The following HTR7 variants were observed in gnomAD, a reference collection of about 807,000 sequenced individuals.
The protein encoded by HTR7 is 5-HT-7.
Under a neutral mutation model 34.0 loss-of-function variants are expected in HTR7, and 16 were observed. The observed-to-expected ratio is 0.47, with a 90% CI of 0.32 to 0.71. The LOEUF (loss-of-function observed/expected upper bound fraction) is 0.71, where lower values mean the gene tolerates loss of function less well. Among genes scored for constraint, HTR7 ranks in the 30% least tolerant of loss-of-function variants. The probability of loss-of-function intolerance (pLI) is 0.04; values close to 1 mark genes in which losing one functional copy is unlikely to be tolerated. For missense variants in HTR7, 504 were observed against 625.5 expected (o/e 0.81, Z 2.07); for synonymous variants, 265 against 260.2 (o/e 1.02, Z -0.18).
intron 1 of HTR7, among the ~76,000 whole-genome samples, chr10:90,780,468 C>T (rs1337028385): frequency 5.5e-5 from 8 of 146,082 alleles, no homozygotes; most frequent in African/African-American, 1.5e-4. Flanking sequence ...ACCCAGGAGA[C>T]GGAGGTTGCA....
chr10:90,747,985 T>C (rs1156945737), intron 2 of HTR7, among the ~76,000 whole-genome samples: 1 of 152,198 alleles, frequency 6.6e-6, no homozygotes, highest in East Asian at 1.9e-4. Context: ...GGGTCACTTC[T>C]GAAATTTCCA....
chr10:90,830,472 C>T (rs373030623), intron 1 of HTR7, among the ~76,000 whole-genome samples: 1 of 152,040 alleles, frequency 6.6e-6, no homozygotes, highest in Non-Finnish European at 1.5e-5. Flanking sequence ...TGAGCAATAA[C>T]GTGAGCAAAA....
chr10:90,791,929 T>C (rs1845466160), intron 1 of HTR7, among the ~76,000 whole-genome samples: 1 of 152,086 alleles, frequency 6.6e-6, no homozygotes, highest in African/African-American at 2.4e-5. Context: ...CTGTTTTCAG[T>C]ATACTACAAA....
chr10:90,748,912 G>A lies in HTR7; in HGVS notation c.1222C>T (p.Arg408Trp), dbSNP rs1844682656. Residue 408 changes from arginine (R) to tryptophan (W), a missense_variant, in exon 2 of 4, where the codon CGG becomes TGG. Transcript: ENST00000336152. Reference protein sequence around the residue: ...LLQCQYRNINRKLSAAGMHEA... With the variant: ...LLQCQYRNINWKLSAAGMHEA... ...TGCATGCCTGCAGCTGAGAGCTTCCGGTTGATATTCCGGTACTGGCACTGG... is the reference window on the plus strand; with the variant it reads ...TGCATGCCTGCAGCTGAGAGCTTCCAGTTGATATTCCGGTACTGGCACTGG... The A allele has an allele frequency of 1.2e-6, 2 of 1,614,034 alleles. No individual in the cohort carries two copies.
chr10:90,789,222 C>A (rs116351602), intron 1 of HTR7, among the ~76,000 whole-genome samples: 1 of 152,112 alleles, frequency 6.6e-6, no homozygotes, highest in Non-Finnish European at 1.5e-5. Flanking sequence ...CATTGTTATA[C>A]CACAAAAAGC....
At chr10:90,845,316 T>C (rs1032646512) in intron 1 of HTR7, among the ~76,000 whole-genome samples, 1 of 152,074 alleles carries the variant, frequency 6.6e-6, no homozygotes, top group Admixed American at 6.5e-5. Flanking sequence ...TGCAATCAAA[T>C]GATAAAGAGC....
chr10:90,757,807 G>T (rs926610729), intron 1 of HTR7, among the ~76,000 whole-genome samples: 1 of 152,098 alleles, frequency 6.6e-6, no homozygotes, highest in African/African-American at 2.4e-5. Flanking sequence ...AGAGAACATG[G>T]CTAAGACTTG....
intron 1 of HTR7, among the ~76,000 whole-genome samples, chr10:90,795,251 T>C (rs1476270031): frequency 6.6e-6 from 1 of 152,196 alleles, no homozygotes; most frequent in Admixed American, 6.5e-5. Context: ...CCATAATAAC[T>C]GTATCAATTT....
chr10:90,849,206 G>C (rs1321968035), intron 1 of HTR7, among the ~76,000 whole-genome samples: 1 of 152,050 alleles, frequency 6.6e-6, no homozygotes, highest in Non-Finnish European at 1.5e-5. Context: ...AGGGTCTTAG[G>C]GTGTATGTAT....
chr10:90,823,057 C>G (rs916619307), intron 1 of HTR7, among the ~76,000 whole-genome samples: 1 of 152,192 alleles, frequency 6.6e-6, no homozygotes, highest in Non-Finnish European at 1.5e-5. Flanking sequence ...CATGGAGAAC[C>G]CCTTCTAGGG....
At chr10:90,759,187 CAAAAA>C (rs35551588) in intron 1 of HTR7, among the ~76,000 whole-genome samples, 2 of 119,600 alleles carry the variant, frequency 1.7e-5, no homozygotes, top group Non-Finnish European at 1.8e-5. Flanking sequence ...AACTCTGTCT[CAAAAA>C]AAAAAAAAAA....
intron 1 of HTR7, among the ~76,000 whole-genome samples, chr10:90,820,011 A>G (rs1163055015): frequency 6.6e-6 from 1 of 152,254 alleles, no homozygotes; most frequent in Non-Finnish European, 1.5e-5. Context: ...TTTATTAATC[A>G]TAACCATATC....
intron 1 of HTR7, among the ~76,000 whole-genome samples, chr10:90,779,594 A>C (rs1845273961): frequency 6.6e-6 from 1 of 152,214 alleles, no homozygotes; most frequent in African/African-American, 2.4e-5. Flanking sequence ...TCTTTAGGCC[A>C]GCTCTCCTCC....
At chr10:90,839,338 A>G (rs768176617) in intron 1 of HTR7, among the ~76,000 whole-genome samples, 3 of 152,226 alleles carry the variant, frequency 2.0e-5, no homozygotes, top group Non-Finnish European at 4.4e-5. Context: ...CAACTGGACC[A>G]GATTGATTAT....
intron 1 of HTR7, among the ~76,000 whole-genome samples, chr10:90,844,455 G>A: frequency 6.6e-6 from 1 of 151,940 alleles, no homozygotes; most frequent in East Asian, 1.9e-4. Flanking sequence ...GCCGGGCGCA[G>A]TGGCTTATGC....
intron 1 of HTR7, among the ~76,000 whole-genome samples, chr10:90,792,247 TAAC>T (rs572600572): frequency 6.1e-4 from 93 of 152,264 alleles, no homozygotes; most frequent in Middle Eastern, 3.4e-3. Context: ...AAAAATAAGA[TAAC>T]AACAAGTTTA....
chr10:90,840,940 C>T (rs992170429), intron 1 of HTR7, among the ~76,000 whole-genome samples: 1 of 152,214 alleles, frequency 6.6e-6, no homozygotes, highest in Non-Finnish European at 1.5e-5. Flanking sequence ...TCATCTTTAA[C>T]TTGTTCATCC....
chr10:90,833,432 GATTAA>G (rs1332426194), intron 1 of HTR7, among the ~76,000 whole-genome samples: 2 of 152,218 alleles, frequency 1.3e-5, no homozygotes, highest in African/African-American at 2.4e-5. Flanking sequence ...TGGGTAACCT[GATTAA>G]ATTATCTAAG....
intron 1 of HTR7, among the ~76,000 whole-genome samples, chr10:90,805,611 A>G (rs1388860202): frequency 6.6e-6 from 1 of 152,224 alleles, no homozygotes; most frequent in Non-Finnish European, 1.5e-5. Flanking sequence ...AGAGTTGCCT[A>G]GCTAATAATT....
Sources: gnomAD v4.1 joint callset for allele counts (sites outside exome capture counted in the v4.1 genomes callset) on GRCh38, gnomAD v4.1.1 for gene constraint, MANE v1.5 for transcripts, NCBI Gene and HGNC (gene_info 2026-07-23, HGNC 2026-07-21) for gene names.